ZHX3: variants seen among roughly 807,000 people sequenced by gnomAD.
The protein encoded by ZHX3 is zinc fingers and homeoboxes 3.
ZHX3 carries 20 observed loss-of-function variants against 64.5 expected under a neutral mutation model. That is an observed-to-expected ratio of 0.31 (90% CI 0.22 to 0.45). The LOEUF is 0.45. Among genes scored for constraint, ZHX3 ranks in the 20% least tolerant of loss-of-function variants. The pLI, the probability that ZHX3 is intolerant of heterozygous loss-of-function variation, is 1.00. For missense variants in ZHX3, 1,041 were observed against 1,195.8 expected, an observed-to-expected ratio of 0.87 and a Z score of 1.91; for synonymous variants, 423 against 461.6, an observed-to-expected ratio of 0.92 and a Z score of 1.07.
At chr20:41,263,463 C>T (rs146328261) in intron 2 of ZHX3, among the ~76,000 whole-genome samples, 2,904 of 150,312 alleles carry the variant, frequency 0.019, 101 homozygotes, top group African/African-American at 0.066. Flanking sequence ...GGCGTGATCT[C>T]GGCTCACTGC....
At chr20:41,287,317 C>G (rs1297621154) in intron 1 of ZHX3, among the ~76,000 whole-genome samples, 1 of 152,172 alleles carries the variant, frequency 6.6e-6, no homozygotes, top group Non-Finnish European at 1.5e-5. Flanking sequence ...TTATTCTGCT[C>G]TATTTTTTCT....
chr20:41,242,120 C>G (rs1172973706), intron 2 of ZHX3, among the ~76,000 whole-genome samples: 4 of 152,130 alleles, frequency 2.6e-5, no homozygotes, highest in Non-Finnish European at 4.4e-5. Flanking sequence ...TCTCTGCCCT[C>G]AAGAAGTGTA....
chr20:41,185,070 T>C lies in ZHX3; in HGVS notation c.*121A>G. 1 of 1,555,002 alleles carries C rather than the reference T, an allele frequency of 6.4e-7. No homozygotes were observed. The highest frequency in any genetic ancestry group is 2.4e-5 in the East Asian group (1 of 41,440). On this transcript the variant is annotated 3_prime_UTR_variant, in exon 4 of 4. Coordinates refer to ENST00000683867, the MANE Select transcript of ZHX3 (RefSeq NM_001384317.1). The surrounding 1 kb of genome is among the most constrained non-coding windows in gnomAD (Gnocchi z 5.0). ...CTGTCTGCGAGGATTCTGGAAGCTC[T>C]CCCAGGTGCCCAGCAGCCGGGCATG...
intron 2 of ZHX3, among the ~76,000 whole-genome samples, chr20:41,247,392 T>G (rs1457129450): frequency 2.6e-5 from 4 of 152,156 alleles, no homozygotes. Context: ...TACTTCCTAG[T>G]GTAGGTCATT....
chr20:41,292,464 T>C (rs1265284474), intron 1 of ZHX3, among the ~76,000 whole-genome samples: 1 of 152,168 alleles, frequency 6.6e-6, no homozygotes, highest in Non-Finnish European at 1.5e-5. Context: ...ACAGTGCTGT[T>C]TGCCATGTAC....
At chr20:41,235,202 A>AAAAC (rs374674176) in intron 2 of ZHX3, among the ~76,000 whole-genome samples, 4 of 152,160 alleles carry the variant, frequency 2.6e-5, no homozygotes, top group Non-Finnish European at 4.4e-5. Flanking sequence ...CAACAACAAC[A>AAAAC]AAACAAACAA....
chr20:41,260,785 G>A (rs565585462), intron 2 of ZHX3, among the ~76,000 whole-genome samples: 1 of 152,206 alleles, frequency 6.6e-6, no homozygotes, highest in South Asian at 2.1e-4. Context: ...CTTGGTAGTA[G>A]ATTCTAATTT....
At chr20:41,208,873 T>C (rs1159091740) in intron 2 of ZHX3, among the ~76,000 whole-genome samples, 21 of 152,216 alleles carry the variant, frequency 1.4e-4, no homozygotes, top group Non-Finnish European at 1.5e-5. Context: ...ATAAAGGTTA[T>C]TCGATTAGGA....
Position 41,202,764 on chromosome 20 carries a change from G to A in ZHX3, c.2153C>T (p.Ala718Val). 6.2e-7 allele frequency: 1 copy of A among 1,614,088 alleles called. No homozygotes were observed. Among genetic ancestry groups the A allele is most frequent in the Non-Finnish European group, 8.5e-7 (1 of 1,180,032 alleles). The change falls in exon 3 of 4, where the codon GCA (alanine) becomes GTA (valine). Residue 718 changes from alanine to valine, a missense_variant. Physicochemically the swap from Ala to Val is moderately conservative, Grantham distance 64. Coordinates refer to ENST00000683867, the MANE Select transcript of ZHX3 (RefSeq NM_001384317.1). This position sits in a 1 kb window ranked among gnomAD's most constrained non-coding sequence, Gnocchi z 7.0. ...TTTAATGGGGCTGACTTTGCGCTCT[G>A]CCAAGATATGGCTGCTGGGCATTTC... ...SLEMPSSHIL[A>V]ERKVSPIKIN...
intron 2 of ZHX3, among the ~76,000 whole-genome samples, chr20:41,215,821 G>A (rs921279870): frequency 2.7e-5 from 4 of 150,348 alleles, no homozygotes; most frequent in Non-Finnish European, 4.5e-5. Context: ...GCATTATGGC[G>A]GGCGCCTGTA....
At chr20:41,240,193 G>T (rs1240888768) in intron 2 of ZHX3, among the ~76,000 whole-genome samples, 43 of 152,050 alleles carry the variant, frequency 2.8e-4, no homozygotes, top group Admixed American at 2.6e-3. Flanking sequence ...GAGATGGGGG[G>T]TTTTGCCATG....
chr20:41,214,835 G>C (rs2039408707), intron 2 of ZHX3, among the ~76,000 whole-genome samples: 1 of 152,202 alleles, frequency 6.6e-6, no homozygotes. Context: ...CTAGTGAAGT[G>C]AGCTGATAGA....
intron 1 of ZHX3, among the ~76,000 whole-genome samples, chr20:41,279,494 C>T (rs2043563493): frequency 6.6e-6 from 1 of 152,068 alleles, no homozygotes; most frequent in Non-Finnish European, 1.5e-5. Context: ...AAATAGACAG[C>T]TAAATTCCTT....
intron 1 of ZHX3, among the ~76,000 whole-genome samples, chr20:41,285,571 T>A (rs2043896437): frequency 6.6e-6 from 1 of 152,250 alleles, no homozygotes; most frequent in African/African-American, 2.4e-5. Flanking sequence ...ATTGTCAAAT[T>A]ATTTTCAAGA....
At chr20:41,250,197 T>C (rs761137193) in intron 2 of ZHX3, among the ~76,000 whole-genome samples, 1 of 152,138 alleles carries the variant, frequency 6.6e-6, no homozygotes, top group Non-Finnish European at 1.5e-5. Flanking sequence ...GTGGGAGCCG[T>C]GGCAGCACCA....
intron 1 of ZHX3, among the ~76,000 whole-genome samples, chr20:41,294,525 G>A (rs925909549): frequency 6.6e-6 from 1 of 151,698 alleles, no homozygotes; most frequent in African/African-American, 2.4e-5. Flanking sequence ...ACCACACCTG[G>A]GTAATTTTTG....
At position 41,233,136 on chromosome 20, in the gene ZHX3, T is replaced by C. The variant is rs1223719762; in HGVS notation, c.-150-28070A>G. On this transcript the variant is annotated intron_variant, in intron 2 of 3. Transcript: ENST00000683867. ...CCTTTTGAATGCTGAATTCAGACTC[T>C]GATACAACTAGCTGGCACATGACCA... Among the ~76,000 whole-genome samples the C allele has an allele frequency of 5.3e-5, 8 of 152,232 alleles. No homozygotes were observed. The South Asian group carries it at 1.4e-3, about 28-fold the overall frequency.
At chr20:41,258,090 A>G (rs1419562819) in intron 2 of ZHX3, among the ~76,000 whole-genome samples, 1 of 148,366 alleles carries the variant, frequency 6.7e-6, no homozygotes. Flanking sequence ...AGTAGAGATG[A>G]GGTTTCACCA....
At position 41,256,985 on chromosome 20, in the gene ZHX3, C is replaced by G. The variant is rs2042292568; in HGVS notation, c.-151+12005G>C. ...CTATTACTCCACTCTATATGTCCATCTGTACCCATTGTTTAGCTCCCACTT... is the reference window on the plus strand; with the variant it reads ...CTATTACTCCACTCTATATGTCCATGTGTACCCATTGTTTAGCTCCCACTT... On this transcript the variant is annotated intron_variant, in intron 2 of 3. Transcript: ENST00000683867. Among the ~76,000 whole-genome samples the G allele has an allele frequency of 2.0e-5, 3 of 152,098 alleles. No individual in the cohort carries two copies. The South Asian group carries it at 6.2e-4, about 32-fold the overall frequency.
Sources: gnomAD v4.1 joint callset for allele counts (sites outside exome capture counted in the v4.1 genomes callset) on GRCh38, gnomAD v4.1.1 for gene constraint, Gnocchi (gnomAD v3.1) non-coding constraint, MANE v1.5 for transcripts, NCBI Gene and HGNC (gene_info 2026-07-23, HGNC 2026-07-21) for gene names.